Variants in NLGN4Y observed in about 807,000 individuals in gnomAD.
NLGN4Y encodes the protein neuroligin 4 Y-linked, also known as neuroligin-4, Y-linked.
NLGN4Y carries 4 observed loss-of-function variants against 8.4 expected under a neutral mutation model. The ratio of observed to expected loss-of-function variants is 0.48; its 90% confidence interval spans 0.23 to 1.09. NLGN4Y has a LOEUF of 1.09. Among genes scored for constraint, NLGN4Y ranks in the 50% least tolerant of loss-of-function variants. NLGN4Y has a pLI of 0.19. For missense variants in NLGN4Y, 90 were observed against 192.3 expected (o/e 0.47, Z 3.15); for synonymous variants, 35 against 75.6 (o/e 0.46, Z 2.78).
intron 1 of NLGN4Y, among the ~76,000 whole-genome samples, chrY:14,557,618 G>A: frequency 3.0e-5 from 1 of 33,241 alleles, no homozygotes; most frequent in African/African-American, 1.2e-4. Context: ...TTCTGCAGTC[G>A]ATAAGGATAT....
chrY:14,604,637 A>G, intron 1 of NLGN4Y, among the ~76,000 whole-genome samples: 1 of 34,100 alleles, frequency 2.9e-5, no homozygotes, highest in Non-Finnish European at 7.3e-5. Context: ...TTCCTGACCC[A>G]TTAAACTTCA....
At chrY:14,758,629 T>G in intron 4 of NLGN4Y, among the ~76,000 whole-genome samples, 1 of 32,982 alleles carries the variant, frequency 3.0e-5, no homozygotes, top group African/African-American at 1.2e-4. Context: ...TTTTTGTTTA[T>G]TTGGTTGGTT....
chrY:14,699,548 CATT>C (rs2080842530), intron 2 of NLGN4Y, among the ~76,000 whole-genome samples: 1 of 33,435 alleles, frequency 3.0e-5, no homozygotes. Context: ...CATATTGTAA[CATT>C]ATTTATTACT....
chrY:14,708,696 A>G (rs2080890027), intron 2 of NLGN4Y, among the ~76,000 whole-genome samples: 1 of 33,829 alleles, frequency 3.0e-5, no homozygotes. Flanking sequence ...CAGAATTCCC[A>G]AAAGTCCTAA....
At chrY:14,559,829 A>T (rs772910409) in intron 1 of NLGN4Y, among the ~76,000 whole-genome samples, 2 of 33,501 alleles carry the variant, frequency 6.0e-5, no homozygotes, top group Admixed American at 5.5e-4. Context: ...TTGGTACAGG[A>T]TTCAATAAAT....
intron 4 of NLGN4Y, among the ~76,000 whole-genome samples, chrY:14,730,063 A>G (rs2080966755): frequency 3.0e-5 from 1 of 33,616 alleles, no homozygotes; most frequent in African/African-American, 1.2e-4. Flanking sequence ...GAACAAAATA[A>G]TAATATGTTT....
intron 2 of NLGN4Y, among the ~76,000 whole-genome samples, chrY:14,672,717 G>A: frequency 3.2e-5 from 1 of 31,422 alleles, no homozygotes; most frequent in African/African-American, 1.3e-4. Context: ...AGCCCGCATC[G>A]CCAAGGCAAT....
At chrY:14,822,377 A>AG (rs2043126294) in intron 4 of NLGN4Y, among the ~76,000 whole-genome samples, 1 of 33,675 alleles carries the variant, frequency 3.0e-5, no homozygotes, top group Non-Finnish European at 7.4e-5. Flanking sequence ...GCTATTGGAA[A>AG]GGTTACAAAA....
intron 2 of NLGN4Y, among the ~76,000 whole-genome samples, chrY:14,710,920 A>G (rs895714265): frequency 8.9e-5 from 3 of 33,747 alleles, no homozygotes; most frequent in African/African-American, 2.3e-4. Flanking sequence ...TTTGGAAAGA[A>G]ATACACCAGG....
At chrY:14,822,724 G>A (rs775023715) in intron 4 of NLGN4Y, among the ~76,000 whole-genome samples, 18 of 34,464 alleles carry the variant, frequency 5.2e-4, no homozygotes, top group African/African-American at 2.0e-3. Context: ...AAAGCCTGAT[G>A]CTCTTTATGA....
intron 4 of NLGN4Y, among the ~76,000 whole-genome samples, chrY:14,818,541 G>T: frequency 3.0e-5 from 1 of 33,134 alleles, no homozygotes; most frequent in Non-Finnish European, 7.4e-5. Flanking sequence ...ATGAGCTGGT[G>T]CTTTCCACAG....
rs770025800 is a variant in NLGN4Y, at chrY:14,733,494, A to G, written c.685+10225A>G. On this transcript the variant is annotated intron_variant, in intron 4 of 6. Coordinates refer to ENST00000684976, the MANE Select transcript of NLGN4Y (RefSeq NM_001365588.1). ...TTGTGTGGGAGCTCAAAAATGTTTAATTATTTTAAATCTCCTTTCACTAAT... is the reference window on the plus strand; with the variant it reads ...TTGTGTGGGAGCTCAAAAATGTTTAGTTATTTTAAATCTCCTTTCACTAAT... The G allele has an allele frequency of 1.1e-5, 4 of 360,748 alleles. No individual in the cohort carries two copies. In the South Asian group the frequency reaches 1.4e-4, roughly 13 times the overall value. The allele number at this position is 360,748 out of a possible 400,897, so 90.0% of individuals were successfully genotyped here. A position where few individuals can be genotyped will look rare whatever the true frequency, so the allele number is the denominator to read the frequency against.
chrY:14,611,145 A>G, intron 1 of NLGN4Y, among the ~76,000 whole-genome samples: 1 of 32,966 alleles, frequency 3.0e-5, no homozygotes, highest in Non-Finnish European at 7.4e-5. Context: ...TAAATACAAT[A>G]CACCAAAGGG....
intron 1 of NLGN4Y, among the ~76,000 whole-genome samples, chrY:14,525,097 G>A: frequency 3.0e-5 from 1 of 33,526 alleles, no homozygotes; most frequent in Admixed American, 2.6e-4. Context: ...AGGAGCGGGA[G>A]CGGGAGCGGG....
intron 2 of NLGN4Y, among the ~76,000 whole-genome samples, chrY:14,652,555 G>A: frequency 3.1e-5 from 1 of 32,622 alleles, no homozygotes; most frequent in Non-Finnish European, 7.6e-5. Context: ...TTCCTTTAAA[G>A]ACTATTTGTT....
At chrY:14,822,478 A>T in intron 4 of NLGN4Y, among the ~76,000 whole-genome samples, 1 of 34,407 alleles carries the variant, frequency 2.9e-5, no homozygotes, top group Non-Finnish European at 7.3e-5. Context: ...CTCTGCAGAA[A>T]CAAAATAAGC....
chrY:14,611,385 T>C, intron 1 of NLGN4Y, among the ~76,000 whole-genome samples: 1 of 22,891 alleles, frequency 4.4e-5, no homozygotes. Context: ...ATATCTTTTT[T>C]TTTTTCTTTT....
chrY:14,739,548 A>C, intron 4 of NLGN4Y, among the ~76,000 whole-genome samples: 1 of 32,974 alleles, frequency 3.0e-5, no homozygotes, highest in Non-Finnish European at 7.4e-5. Context: ...ATCTTATGTA[A>C]GAGGAGGAAA....
intron 2 of NLGN4Y, among the ~76,000 whole-genome samples, chrY:14,673,824 A>G (rs2150529846): frequency 3.0e-5 from 1 of 33,693 alleles, no homozygotes; most frequent in Non-Finnish European, 7.4e-5. Flanking sequence ...TGTGTCACAT[A>G]TACACCATGG....
Sources: allele counts gnomAD v4.1 joint callset (sites outside exome capture counted in the v4.1 genomes callset), GRCh38; gene constraint gnomAD v4.1.1; transcripts MANE v1.5; gene names NCBI Gene and HGNC (gene_info 2026-07-23, HGNC 2026-07-21).